Variants in CWC22 observed in about 807,000 individuals in gnomAD.
CWC22 encodes pre-mRNA-splicing factor CWC22 homolog.
CWC22 carries 53 observed loss-of-function variants against 117.2 expected under a neutral mutation model. The observed-to-expected ratio is 0.45, with a 90% confidence interval of 0.36 to 0.57. CWC22 has a LOEUF of 0.57. Among genes scored for constraint, CWC22 ranks in the 20% least tolerant of loss-of-function variants. The pLI is 0.00. For synonymous variants in CWC22, 360 were observed against 355.6 expected, an observed-to-expected ratio of 1.01 and a Z score of -0.14; for missense variants, 980 against 1,068.8, an observed-to-expected ratio of 0.92 and a Z score of 1.16.
intron 5 of CWC22, among the ~76,000 whole-genome samples, chr2:179,978,862 TTACC>T (rs111511858): frequency 0.21 from 31,972 of 151,946 alleles, 3,854 homozygotes; most frequent in East Asian, 0.46. Flanking sequence ...TGGGGCTGAA[TTACC>T]TACCATTCAG....
intron 19 of CWC22, among the ~76,000 whole-genome samples, chr2:179,949,563 T>C (rs1686396263): frequency 1.3e-5 from 2 of 152,186 alleles, no homozygotes; most frequent in South Asian, 2.1e-4. Flanking sequence ...GAAACTCTTA[T>C]ACATGGCCGG....
intron 17 of CWC22, 83 bp downstream of exon 17, chr2:179,952,388 C>T: frequency 1.1e-6 from 1 of 949,414 alleles, no homozygotes; most frequent in Non-Finnish European, 1.4e-6. Context: ...CTTGTTTTTA[C>T]AGTCTCGGAT....
chr2:179,952,457 A>C lies in CWC22; in HGVS notation c.1817+14T>G, dbSNP rs768720208. 3.9e-6 allele frequency: 6 copies of C among 1,552,468 alleles called. No individual in the cohort carries two copies. In the African/African-American group the frequency reaches 5.5e-5, roughly 14 times the overall value. ...AGGTCAATAAGAATAAAAAGTGCTT[A>C]ATGGCAAACTTACTCATCCTTTAAT... On this transcript the variant is annotated intron_variant, in intron 17 of 19. Coordinates refer to ENST00000410053, the MANE Select transcript of CWC22 (RefSeq NM_020943.3).
chr2:180,002,829 G>T (rs546877553), intron 1 of CWC22, among the ~76,000 whole-genome samples: 1 of 152,284 alleles, frequency 6.6e-6, no homozygotes, highest in East Asian at 1.9e-4. Context: ...CAGAGAATTT[G>T]GGGATTCCAA....
chr2:179,989,096 G>A (rs953432927), intron 2 of CWC22, among the ~76,000 whole-genome samples: 2 of 151,574 alleles, frequency 1.3e-5, no homozygotes, highest in African/African-American at 4.8e-5. Context: ...GACCCTTTCC[G>A]CTGAGTCCCT....
At chr2:179,952,323 A>G (rs1686471721) in intron 17 of CWC22, 148 bp downstream of exon 17, 1 of 471,622 alleles carries the variant, frequency 2.1e-6, no homozygotes, top group Non-Finnish European at 3.5e-6. Context: ...CCTGTGTGAC[A>G]TAACATGAAA....
Position 179,971,039 on chromosome 2 carries a change from A to G in CWC22, c.842T>C (p.Leu281Pro). The G allele has an allele frequency of 6.2e-7, 1 of 1,606,378 alleles. No homozygotes were observed. Among genetic ancestry groups the G allele is most frequent in the Non-Finnish European group, 8.5e-7 (1 of 1,175,210 alleles). Residue 281 changes from leucine (L) to proline (P), a missense_variant, in exon 9 of 20, where the codon CTC becomes CCC. By Grantham distance (98) the Leu-to-Pro change is moderately conservative. Around this residue, in one of 3 missense-constraint regions of CWC22, gnomAD observed 559 missense variants for 602.3 expected, o/e 0.93. Transcript: ENST00000410053. ...GCTATCATCTGTTGGTCTTTCCAGG[A>G]GCAAAGTGAGCATCTCTAAGCATAA... ...EVLCLEMLTL[L>P]LERPTDDSVE...
rs563534562 is a variant in CWC22, at chr2:179,988,229, G to C, written c.95+348C>G. Among the ~76,000 whole-genome samples, 20 of 152,266 alleles carry C rather than the reference G, an allele frequency of 1.3e-4. No homozygotes were observed. In the South Asian group the frequency reaches 3.9e-3, roughly 30 times the overall value. On this transcript the variant is annotated intron_variant, in intron 3 of 19. Transcript: ENST00000410053. ...ATAAAAATATTTTAAAGACAATACA[G>C]AGCTATGTACATGTAAGAGATAATA...
chr2:179,984,296 T>C (rs1029625656), intron 4 of CWC22, among the ~76,000 whole-genome samples: 2 of 152,048 alleles, frequency 1.3e-5, no homozygotes, highest in Non-Finnish European at 2.9e-5. Flanking sequence ...AAAAATAGTA[T>C]CTAGTTTCTA....
At chr2:179,971,148 A>AAAATTATAAAATTAGTAATTAT in intron 8 of CWC22, 72 bp from the exon 9 acceptor site, 1 of 1,051,620 alleles carries the variant, frequency 9.5e-7, no homozygotes, top group Non-Finnish European at 1.3e-6. Context: ...TATAATTTCT[A>AAAATTATAAAATTAGTAATTAT]AAAATTAGTA....
chr2:180,004,289 T>C (rs1052928747), intron 1 of CWC22, among the ~76,000 whole-genome samples: 2 of 152,248 alleles, frequency 1.3e-5, no homozygotes, highest in East Asian at 1.9e-4. Flanking sequence ...AAATACAAAA[T>C]GCATCACTGT....
intron 5 of CWC22, among the ~76,000 whole-genome samples, chr2:179,978,534 T>C (rs1687207376): frequency 6.6e-6 from 1 of 152,134 alleles, no homozygotes; most frequent in Non-Finnish European, 1.5e-5. Context: ...ACACCATTTT[T>C]CTTTAATAAT....
intron 4 of CWC22, among the ~76,000 whole-genome samples, chr2:179,983,086 A>C (rs759470057): frequency 6.6e-6 from 1 of 152,138 alleles, no homozygotes; most frequent in South Asian, 2.1e-4. Context: ...GTGGAGGAAC[A>C]GATTTTTTTT....
chr2:179,973,265 A>G lies in CWC22; in HGVS notation c.751-19T>C. ...AAAGTTGCTGAAAAATAAAGGTGGA[A>G]AGTTAACCTATAAACTAAACCCAAT... On this transcript the variant is annotated intron_variant, in intron 7 of 19. Transcript: ENST00000410053. The G allele has an allele frequency of 6.3e-7, 1 of 1,579,948 alleles. No homozygotes were observed. Among genetic ancestry groups the G allele is most frequent in the Non-Finnish European group, 8.6e-7 (1 of 1,159,774 alleles).
chr2:180,002,123 T>C (rs1575661540), intron 1 of CWC22, among the ~76,000 whole-genome samples: 2 of 152,226 alleles, frequency 1.3e-5, no homozygotes, highest in South Asian at 4.1e-4. Flanking sequence ...AACCTCTAAG[T>C]GGATGTGCCA....
intron 13 of CWC22, among the ~76,000 whole-genome samples, chr2:179,963,558 G>T (rs1686812539): frequency 6.6e-6 from 1 of 151,238 alleles, no homozygotes; most frequent in South Asian, 2.1e-4. Flanking sequence ...TAGCCAGGAT[G>T]GTCTCGATCT....
intron 14 of CWC22, among the ~76,000 whole-genome samples, chr2:179,956,616 A>G (rs1019039548): frequency 2.0e-5 from 3 of 150,356 alleles, no homozygotes; most frequent in Admixed American, 2.0e-4. Flanking sequence ...AAAAATAAAG[A>G]TAAGTCTCAA....
chr2:179,980,532 C>T lies in CWC22; in HGVS notation c.452+1220G>A, dbSNP rs528262090. ...TCCTGGGTTCATGCCATTCTTCTGCCTCAGCCTCCCGAGTAGCTGGGACTA... is the reference window on the plus strand; with the variant it reads ...TCCTGGGTTCATGCCATTCTTCTGCTTCAGCCTCCCGAGTAGCTGGGACTA... On this transcript the variant is annotated intron_variant, in intron 5 of 19. Transcript: ENST00000410053. Among the ~76,000 whole-genome samples, 3 of 151,858 alleles carry T rather than the reference C, an allele frequency of 2.0e-5. No homozygotes were observed. In the East Asian group the frequency reaches 5.9e-4, roughly 30 times the overall value.
At position 179,986,723 on chromosome 2, in the gene CWC22, GTCC is replaced by G; in HGVS notation, c.175_177del (p.Gly59del). 6.2e-7 allele frequency: 1 copy of G among 1,602,370 alleles called. No individual in the cohort carries two copies. Among genetic ancestry groups the G allele is most frequent in the East Asian group, 2.2e-5 (1 of 44,698 alleles). ...GACTCCATGCTACTATCATAAGAAC[GTCC>G]TCTTCTTGAATGCTCATAGTCTGAT... On this transcript the variant is annotated inframe_deletion, in exon 4 of 20. Transcript: ENST00000410053.
Sources: allele counts gnomAD v4.1 joint callset (sites outside exome capture counted in the v4.1 genomes callset), GRCh38; gene constraint gnomAD v4.1.1; regional missense constraint gnomAD v4.1.1; transcripts MANE v1.5; gene names NCBI Gene and HGNC (gene_info 2026-07-23, HGNC 2026-07-21).